Variants in ANKS1B observed in about 807,000 individuals in gnomAD.
ANKS1B encodes ankyrin repeat and sterile alpha motif domain-containing protein 1B.
In ANKS1B, 36 loss-of-function variants were observed where a neutral mutation model predicts 148.3. The observed-to-expected ratio is 0.24, with a 90% CI of 0.19 to 0.32. ANKS1B has a LOEUF of 0.32. Ranked by LOEUF, ANKS1B falls within the 10% of genes least tolerant of loss-of-function variation. The pLI is 1.00. For missense variants in ANKS1B, 1,157 were observed against 1,542.6 expected (o/e 0.75, Z 4.19); for synonymous variants, 542 against 560.8 (o/e 0.97, Z 0.47).
intron 17 of ANKS1B, among the ~76,000 whole-genome samples, chr12:98,953,537 GTTTTTTTTTTTTTTTTTT>G (rs1166158783): frequency 1.7e-5 from 1 of 57,424 alleles, no homozygotes; most frequent in African/African-American, 7.4e-5. Context: ...ATCTAGAGTG[GTTTTTTTTTTTTTTTTTT>G]TTTTTTTTTT....
intron 11 of ANKS1B, among the ~76,000 whole-genome samples, chr12:99,441,599 A>C (rs1231425585): frequency 1.3e-5 from 2 of 151,950 alleles, no homozygotes; most frequent in Non-Finnish European, 2.9e-5. Context: ...TATAGCTGTT[A>C]TTGTTCTATT....
chr12:99,479,828 T>C (rs901872621), intron 10 of ANKS1B, among the ~76,000 whole-genome samples: 4 of 151,900 alleles, frequency 2.6e-5, no homozygotes, highest in Admixed American at 6.6e-5. Context: ...TTGCACAGTA[T>C]GGTGACTATA....
intron 1 of ANKS1B, among the ~76,000 whole-genome samples, chr12:99,850,246 AT>A (rs1274414135): frequency 6.8e-6 from 1 of 147,504 alleles, no homozygotes; most frequent in East Asian, 2.0e-4. Flanking sequence ...AAAATATGGT[AT>A]CTTCGCATTT....
At chr12:99,916,818 T>C (rs1166629806) in intron 1 of ANKS1B, among the ~76,000 whole-genome samples, 1 of 152,226 alleles carries the variant, frequency 6.6e-6, no homozygotes, top group Non-Finnish European at 1.5e-5. Context: ...TACTGCAATG[T>C]TACTCAAAGT....
chr12:99,909,348 T>C (rs1345939453), intron 1 of ANKS1B, among the ~76,000 whole-genome samples: 4 of 151,528 alleles, frequency 2.6e-5, no homozygotes, highest in Non-Finnish European at 5.9e-5. Context: ...ACTGCTGCAA[T>C]AAACATGGGA....
chr12:99,203,282 C>T (rs2082276163), intron 14 of ANKS1B, among the ~76,000 whole-genome samples: 1 of 152,118 alleles, frequency 6.6e-6, no homozygotes, highest in Non-Finnish European at 1.5e-5. Context: ...AACAACACTT[C>T]ATTTCTAGAA....
rs1017920936 is a variant in ANKS1B at position 99,984,310 on chromosome 12, A to G, written c.-73T>C. 4 of 1,246,898 alleles carry G rather than the reference A, an allele frequency of 3.2e-6. No individual in the cohort carries two copies. The highest frequency in any genetic ancestry group is 4.3e-6 in the Non-Finnish European group (4 of 920,226). 77.2% of individuals were successfully genotyped at this position (1,246,898 alleles called of 1,614,324 possible). A position where few individuals can be genotyped will look rare whatever the true frequency, so the allele number is the denominator to read the frequency against. On this transcript the variant is annotated 5_prime_UTR_variant, in exon 1 of 27. Coordinates refer to ENST00000683438, the MANE Select transcript of ANKS1B (RefSeq NM_001352186.2). ...CCTCCCCACCCACCCCCACTCCCCA[A>G]AATCCAGGGCCCTCTTCGCCCCACC...
intron 19 of ANKS1B, among the ~76,000 whole-genome samples, chr12:98,810,111 G>C (rs935176224): frequency 6.6e-6 from 1 of 152,198 alleles, no homozygotes; most frequent in Non-Finnish European, 1.5e-5. Context: ...ACCTCCACCA[G>C]ATGCTGATTG....
At chr12:99,154,837 G>A (rs2075808078) in intron 14 of ANKS1B, 1 of 1,525,114 alleles carries the variant, frequency 6.6e-7, no homozygotes, top group African/African-American at 1.4e-5. Flanking sequence ...CATGCTCCTT[G>A]CTCCCCCTCG....
chr12:99,798,369 T>C (rs114049412), intron 4 of ANKS1B, among the ~76,000 whole-genome samples: 2,454 of 135,358 alleles, frequency 0.018, 70 homozygotes, highest in African/African-American at 0.064. Flanking sequence ...AACTCAGAAA[T>C]AAAATTCCCT....
intron 9 of ANKS1B, among the ~76,000 whole-genome samples, chr12:99,597,033 A>G (rs145519282): frequency 1.3e-5 from 2 of 152,026 alleles, no homozygotes; most frequent in Admixed American, 1.3e-4. Flanking sequence ...TGACTATGCA[A>G]TTTTATATTT....
intron 12 of ANKS1B, among the ~76,000 whole-genome samples, chr12:99,374,049 T>A (rs1410087256): frequency 6.6e-6 from 1 of 152,214 alleles, no homozygotes; most frequent in Non-Finnish European, 1.5e-5. Flanking sequence ...TTCCTTACAA[T>A]TTCAGTCTCA....
At chr12:99,253,488 A>T (rs1381600879) in intron 12 of ANKS1B, among the ~76,000 whole-genome samples, 1 of 152,196 alleles carries the variant, frequency 6.6e-6, no homozygotes. Context: ...ACTGTGGCTC[A>T]TCCCTGCTCC....
At chr12:98,936,488 G>A (rs10860382) in intron 17 of ANKS1B, among the ~76,000 whole-genome samples, 13,001 of 152,006 alleles carry the variant, frequency 0.086, 710 homozygotes, top group Admixed American at 0.18. Flanking sequence ...TTAGCCGGGC[G>A]TGGTGGCAGT....
At chr12:99,418,996 T>C (rs2094999400) in intron 11 of ANKS1B, among the ~76,000 whole-genome samples, 1 of 146,340 alleles carries the variant, frequency 6.8e-6, no homozygotes, top group African/African-American at 2.6e-5. Flanking sequence ...TGTAATTGTA[T>C]ATAATTTTAA....
intron 8 of ANKS1B, among the ~76,000 whole-genome samples, chr12:99,759,544 CAG>C (rs1224610103): frequency 6.6e-6 from 1 of 151,970 alleles, no homozygotes; most frequent in Non-Finnish European, 1.5e-5. Context: ...TCCTCGGACA[CAG>C]AGTTAAGTGA....
At chr12:98,741,546 C>CA (rs2097799028), downstream of ANKS1B, among the ~76,000 whole-genome samples, 1 of 152,190 alleles carries the variant, frequency 6.6e-6, no homozygotes, top group Non-Finnish European at 1.5e-5. Flanking sequence ...AGCTGGAACT[C>CA]AGCAGTGGTT....
intron 9 of ANKS1B, among the ~76,000 whole-genome samples, chr12:99,508,304 G>C (rs2096732071): frequency 1.3e-5 from 2 of 151,602 alleles, no homozygotes; most frequent in Non-Finnish European, 2.9e-5. Flanking sequence ...AAGTAACCAG[G>C]GTTATGCTGC....
Position 99,958,973 on chromosome 12 carries a change from G to A in ANKS1B, c.134+25131C>T, listed in dbSNP as rs1373550495. The stretch of plus-strand genomic sequence containing the variant: ...GGACACCGGGGATAACATGTCTAGC[G>A]TGCAGGAGAGAGAAATGAATTACAG... On this transcript the variant is annotated intron_variant, in intron 1 of 26. Coordinates refer to ENST00000683438, the MANE Select transcript of ANKS1B (RefSeq NM_001352186.2). 3.9e-5 allele frequency among the ~76,000 whole-genome samples: 6 copies of A among 151,992 alleles called. No homozygotes were observed. The East Asian group carries it at 5.8e-4, about 15-fold the overall frequency.
Sources: gnomAD v4.1 joint callset for allele counts (sites outside exome capture counted in the v4.1 genomes callset) on GRCh38, gnomAD v4.1.1 for gene constraint, MANE v1.5 for transcripts, NCBI Gene and HGNC (gene_info 2026-07-23, HGNC 2026-07-21) for gene names.